The following NPSR1 variants were observed in gnomAD, a reference collection of about 807,000 sequenced individuals.
The protein encoded by NPSR1 is neuropeptide S receptor 1.
In NPSR1, 48 loss-of-function variants were observed where a neutral mutation model predicts 46.9. The ratio of observed to expected loss-of-function variants is 1.02; its 90% CI spans 0.81 to 1.30. The LOEUF (loss-of-function observed/expected upper bound fraction) is 1.30. NPSR1 is among the 50% of genes most tolerant of loss of function. The pLI is 0.00. For missense variants in NPSR1, 450 were observed against 449.5 expected (o/e 1.00, Z -0.01); for synonymous variants, 176 against 168.1 (o/e 1.05, Z -0.36).
At chr7:34,758,170 T>C (rs1785968215) in intron 2 of NPSR1, 2 of 152,662 alleles carry the variant, frequency 1.3e-5, no homozygotes, top group South Asian at 2.1e-4. Context: ...AGTTCTTCTA[T>C]AGAAAGTGCC....
chr7:34,756,826 T>C (rs1006695754), intron 2 of NPSR1, among the ~76,000 whole-genome samples: 1 of 152,242 alleles, frequency 6.6e-6, no homozygotes, highest in Non-Finnish European at 1.5e-5. Context: ...TAAGCTTCAT[T>C]TCTCTCTTGA....
At chr7:34,824,736 G>A (rs181497004) in intron 4 of NPSR1, among the ~76,000 whole-genome samples, 34 of 152,156 alleles carry the variant, frequency 2.2e-4, no homozygotes, top group Non-Finnish European at 4.0e-4. Context: ...GGAGTCACAC[G>A]TTGCCCTTAA....
chr7:34,788,981 A>G (rs1787595772), intron 3 of NPSR1, among the ~76,000 whole-genome samples: 1 of 152,094 alleles, frequency 6.6e-6, no homozygotes, highest in Non-Finnish European at 1.5e-5. Context: ...TGAAACTAGT[A>G]ATCAATAATA....
intron 1 of NPSR1, among the ~76,000 whole-genome samples, chr7:34,662,529 C>T (rs1281033912): frequency 2.0e-5 from 3 of 152,158 alleles, no homozygotes; most frequent in Non-Finnish European, 4.4e-5. Context: ...CCAAATGTAT[C>T]TCCTGCAATT....
At chr7:34,827,629 A>AAGG in intron 5 of NPSR1, 27 bp downstream of exon 5, 1 of 304,082 alleles carries the variant, frequency 3.3e-6, no homozygotes, top group Non-Finnish European at 6.0e-6. Flanking sequence ...ACAGGACCAC[A>AAGG]CGGGGGGGTG....
At chr7:34,781,049 G>C (rs1272088460) in intron 3 of NPSR1, among the ~76,000 whole-genome samples, 1 of 152,090 alleles carries the variant, frequency 6.6e-6, no homozygotes, top group African/African-American at 2.4e-5. Context: ...AAATCTAGAA[G>C]ACCAGGTATA....
At chr7:34,776,831 G>A (rs1252316948) in intron 2 of NPSR1, among the ~76,000 whole-genome samples, 3 of 152,134 alleles carry the variant, frequency 2.0e-5, no homozygotes, top group African/African-American at 4.8e-5. Flanking sequence ...TTTCCCTTCT[G>A]GCCTAGGGCA....
chr7:34,751,831 AT>A lies in NPSR1; in HGVS notation c.281-26630del, dbSNP rs1333224046. On this transcript the variant is annotated intron_variant, in intron 2 of 8. Coordinates refer to ENST00000360581, the MANE Select transcript of NPSR1 (RefSeq NM_207172.2). ...TGTGGGACTCTCTGCCAGTTGGTAA[AT>A]GAGGGTCACTGCCACCTCTTTGAAT... 2.6e-4 allele frequency: 414 copies of A among 1,588,056 alleles called. 1 individual carries two copies. Among genetic ancestry groups the A allele is most frequent in the Non-Finnish European group, 2.8e-4 (319 of 1,157,208 alleles).
At chr7:34,822,162 G>A (rs1030837486) in intron 4 of NPSR1, among the ~76,000 whole-genome samples, 1 of 152,212 alleles carries the variant, frequency 6.6e-6, no homozygotes, top group Admixed American at 6.5e-5. Flanking sequence ...GGCAGCCGGT[G>A]AGAACGCGAC....
At chr7:34,792,653 G>GTATATATATTTTTATATATATGTA (rs1787949547) in intron 3 of NPSR1, among the ~76,000 whole-genome samples, 1 of 89,448 alleles carries the variant, frequency 1.1e-5, no homozygotes, top group African/African-American at 4.8e-5. Context: ...ATATATATAT[G>GTATATATATTTTTATATATATGTA]TATATATATA....
intron 2 of NPSR1, chr7:34,719,765 TCTGG>T (rs1783755519): frequency 6.6e-6 from 1 of 152,198 alleles, no homozygotes; most frequent in African/African-American, 2.4e-5. Flanking sequence ...CGAGACTCTG[TCTGG>T]CTAACAGCCC....
At chr7:34,840,525 A>T (rs1442760648) in intron 6 of NPSR1, among the ~76,000 whole-genome samples, 1 of 152,212 alleles carries the variant, frequency 6.6e-6, no homozygotes, top group African/African-American at 2.4e-5. Flanking sequence ...CTTGGAGAGC[A>T]GGTATCCCCG....
rs374881640 is a variant in NPSR1, at chr7:34,658,565, T to G, written c.147+6T>G. 15 of 1,613,408 alleles carry G rather than the reference T, an allele frequency of 9.3e-6. No homozygotes were observed. Among genetic ancestry groups the G allele is most frequent in the Non-Finnish European group, 1.0e-5 (12 of 1,179,556 alleles). ...CCTTCTACTACTCCTTTAAGGTAAGTTTCTTGCCTGCGACTCTGAACACTG... is the reference window on the plus strand; with the variant it reads ...CCTTCTACTACTCCTTTAAGGTAAGGTTCTTGCCTGCGACTCTGAACACTG... On this transcript the variant is annotated splice_donor_region_variant and intron_variant, in intron 1 of 8. Coordinates refer to ENST00000360581, the MANE Select transcript of NPSR1 (RefSeq NM_207172.2).
At chr7:34,751,652 G>C in intron 2 of NPSR1, 1 of 1,596,616 alleles carries the variant, frequency 6.3e-7, no homozygotes, top group Non-Finnish European at 8.6e-7. Context: ...AGCTGCTGCA[G>C]AGCCACATCC....
intron 2 of NPSR1, among the ~76,000 whole-genome samples, chr7:34,748,331 A>G (rs993073891): frequency 1.3e-5 from 2 of 152,098 alleles, no homozygotes; most frequent in Admixed American, 1.3e-4. Context: ...GCAAGGGAGG[A>G]CTATTTCAGG....
chr7:34,857,803 C>A (rs955552752), intron 8 of NPSR1, among the ~76,000 whole-genome samples: 3 of 150,574 alleles, frequency 2.0e-5, no homozygotes, highest in African/African-American at 7.4e-5. Flanking sequence ...TATAACTGAC[C>A]AAGATCTAGT....
chr7:34,827,841 G>A (rs1329555652), intron 5 of NPSR1, among the ~76,000 whole-genome samples: 1 of 152,170 alleles, frequency 6.6e-6, no homozygotes, highest in Non-Finnish European at 1.5e-5. Context: ...GTGCTAAATA[G>A]CTAACAATTA....
intron 2 of NPSR1, among the ~76,000 whole-genome samples, chr7:34,686,396 C>T (rs183292721): frequency 1.7e-3 from 263 of 152,168 alleles, no homozygotes; most frequent in Non-Finnish European, 3.0e-3. Context: ...ATTGAAATTT[C>T]CTTCATACAC....
intron 3 of NPSR1, among the ~76,000 whole-genome samples, 199 bp downstream of exon 3, chr7:34,778,764 C>T (rs930096888): frequency 4.0e-5 from 6 of 151,896 alleles, no homozygotes; most frequent in South Asian, 4.1e-4. Flanking sequence ...AAAACACAAA[C>T]GAGCCACAAA....
Sources: gnomAD v4.1 joint callset for allele counts (sites outside exome capture counted in the v4.1 genomes callset) on GRCh38, gnomAD v4.1.1 for gene constraint, MANE v1.5 for transcripts, NCBI Gene and HGNC (gene_info 2026-07-23, HGNC 2026-07-21) for gene names.